Variants in HM13 observed in about 807,000 individuals in gnomAD.
The protein encoded by HM13 is signal peptide peptidase.
In HM13, 18 loss-of-function variants were observed where a neutral mutation model predicts 50.0. The observed-to-expected ratio is 0.36, with a 90% CI of 0.25 to 0.53. The LOEUF (loss-of-function observed/expected upper bound fraction) is 0.53, where lower values mean the gene tolerates loss of function less well. Ranked by LOEUF, HM13 falls within the 20% of genes least tolerant of loss-of-function variation. The pLI is 0.90. For synonymous variants in HM13, 197 were observed against 232.6 expected, an observed-to-expected ratio of 0.85 and a Z score of 1.39; for missense variants, 393 against 552.4, an observed-to-expected ratio of 0.71 and a Z score of 2.89.
intron 7 of HM13, among the ~76,000 whole-genome samples, chr20:31,552,814 G>T (rs1984099439): frequency 6.6e-6 from 1 of 152,160 alleles, no homozygotes; most frequent in South Asian, 2.1e-4. Context: ...GAAGAGGCAG[G>T]CAGGGCAAGG....
At chr20:31,548,961 C>T (rs764980922) in intron 4 of HM13, 68 bp from the exon 5 acceptor site, 10 of 1,371,470 alleles carry the variant, frequency 7.3e-6, no homozygotes, top group Non-Finnish European at 1.0e-6. Flanking sequence ...CCTCCTCCGT[C>T]CAGGGGCTGA....
At chr20:31,534,956 G>A (rs1280293469) in intron 2 of HM13, among the ~76,000 whole-genome samples, 1 of 151,878 alleles carries the variant, frequency 6.6e-6, no homozygotes, top group Admixed American at 6.6e-5. Flanking sequence ...CGTGGTGGCA[G>A]GCGCCTGTAG....
intron 2 of HM13, among the ~76,000 whole-genome samples, chr20:31,529,957 CTCTG>C (rs1312044420): frequency 6.6e-6 from 1 of 151,484 alleles, no homozygotes; most frequent in Non-Finnish European, 1.5e-5. Context: ...CACAGCGAGA[CTCTG>C]TCTCAATTAA....
chr20:31,554,964 T>C, intron 8 of HM13, 135 bp downstream of exon 8: 2 of 773,198 alleles, frequency 2.6e-6, no homozygotes, highest in Non-Finnish European at 4.2e-6. Flanking sequence ...CAGGGATTGG[T>C]GAAGGGTTCC....
At chr20:31,516,994 C>G (rs1981823829) in intron 1 of HM13, among the ~76,000 whole-genome samples, 1 of 152,190 alleles carries the variant, frequency 6.6e-6, no homozygotes, top group Non-Finnish European at 1.5e-5. Context: ...ATCAGGTATG[C>G]CTAGTCCTCA....
chr20:31,569,499 T>C lies in HM13; in HGVS notation c.*280T>C. 1 of 311,194 alleles carries C rather than the reference T, an allele frequency of 3.2e-6. No homozygotes were observed. The allele number at this position is 311,194 out of a possible 1,614,324, so 19.3% of individuals were successfully genotyped here. A position where few individuals can be genotyped will look rare whatever the true frequency, so the allele number is the denominator to read the frequency against. On this transcript the variant is annotated 3_prime_UTR_variant, in exon 13 of 13. Coordinates refer to ENST00000398174, the MANE Select transcript of HM13 (RefSeq NM_178581.3). ...GTGGGTGTGATTTTTAGATTTTGTA[T>C]TGTGGACTGATTTTGCCTCACATTA...
intron 2 of HM13, among the ~76,000 whole-genome samples, chr20:31,530,982 C>T (rs1016256053): frequency 5.3e-5 from 8 of 152,196 alleles, no homozygotes; most frequent in African/African-American, 1.4e-4. Context: ...CCTACCCAGG[C>T]GCTCACCTGC....
At chr20:31,528,962 G>A (rs181353559) in intron 2 of HM13, among the ~76,000 whole-genome samples, 2 of 152,246 alleles carry the variant, frequency 1.3e-5, no homozygotes, top group East Asian at 3.9e-4. Flanking sequence ...CATAACTGTA[G>A]TGTTAGATCT....
At chr20:31,564,616 T>C (rs900527561) in intron 10 of HM13, among the ~76,000 whole-genome samples, 41 of 151,430 alleles carry the variant, frequency 2.7e-4, no homozygotes, top group Non-Finnish European at 4.4e-5. Flanking sequence ...TGAGGGAAAT[T>C]AGAGGGACTT....
intron 1 of HM13, among the ~76,000 whole-genome samples, chr20:31,526,268 C>T (rs1450497796): frequency 6.6e-6 from 1 of 151,902 alleles, no homozygotes; most frequent in African/African-American, 2.4e-5. Flanking sequence ...AAGCGATTCT[C>T]CTGACTCAGC....
At chr20:31,522,448 G>A (rs543034928) in intron 1 of HM13, among the ~76,000 whole-genome samples, 2 of 151,914 alleles carry the variant, frequency 1.3e-5, no homozygotes, top group African/African-American at 2.4e-5. Context: ...TATAATCCCA[G>A]CTACTCAGGA....
At chr20:31,548,381 G>T in intron 4 of HM13, 1 of 209,144 alleles carries the variant, frequency 4.8e-6, no homozygotes, top group Non-Finnish European at 9.6e-6. Flanking sequence ...CTACCACAGG[G>T]CCCCCCACAA....
At chr20:31,524,710 CTTTTT>C (rs1156549702) in intron 1 of HM13, among the ~76,000 whole-genome samples, 6 of 110,768 alleles carry the variant, frequency 5.4e-5, no homozygotes, top group Admixed American at 2.8e-4. Flanking sequence ...TGTTGTGTGG[CTTTTT>C]TTTTTTTTTT....
chr20:31,558,073 G>A (rs767007474), intron 8 of HM13, among the ~76,000 whole-genome samples: 4 of 152,252 alleles, frequency 2.6e-5, no homozygotes, highest in Non-Finnish European at 4.4e-5. Flanking sequence ...CAGTAAGGGA[G>A]GCGACACACA....
At chr20:31,548,197 G>C (rs565584113) in intron 4 of HM13, 2 of 671,840 alleles carry the variant, frequency 3.0e-6, no homozygotes, top group African/African-American at 3.6e-5. Flanking sequence ...ACAAATCAGG[G>C]TGCTCTTACC....
At chr20:31,567,690 C>G (rs1415441883) in intron 11 of HM13, 1 of 167,296 alleles carries the variant, frequency 6.0e-6, no homozygotes, top group African/African-American at 2.4e-5. Context: ...CTCCAGCTAC[C>G]CCACAGAGGC....
chr20:31,560,521 A>G (rs117335248), intron 9 of HM13, among the ~76,000 whole-genome samples: 3,335 of 152,316 alleles, frequency 0.022, 55 homozygotes, highest in Non-Finnish European at 0.034. Context: ...AAACCTTAGG[A>G]GCATATGGGC....
rs754913862 is a variant in HM13 at position 31,559,643 on chromosome 20, A to G, written c.841A>G (p.Ile281Val). Residue 281 changes from isoleucine to valine, a missense_variant, in exon 9 of 13, where the codon ATC becomes GTC. Physicochemically the swap from Ile to Val is conservative, Grantham distance 29. Coordinates refer to ENST00000398174, the MANE Select transcript of HM13 (RefSeq NM_178581.3). ...IFIALLLRFD[I>V]SLKKNTHTYF... ...CATTGCCTTGCTGCTGCGCTTTGAC[A>G]TCAGGTGAGTGAGTGAGGGCCTGCC... 1 of 1,614,068 alleles carries G rather than the reference A, an allele frequency of 6.2e-7. No individual in the cohort carries two copies. Among genetic ancestry groups the G allele is most frequent in the Non-Finnish European group, 8.5e-7 (1 of 1,179,994 alleles).
chr20:31,550,510 C>T (rs1323519470), intron 7 of HM13: 2 of 185,084 alleles, frequency 1.1e-5, no homozygotes, highest in Non-Finnish European at 2.3e-5. Flanking sequence ...CTCAAACTGC[C>T]TTGGTTTTGT....
Sources: allele counts gnomAD v4.1 joint callset (sites outside exome capture counted in the v4.1 genomes callset), GRCh38; gene constraint gnomAD v4.1.1; transcripts MANE v1.5; gene names NCBI Gene and HGNC (gene_info 2026-07-23, HGNC 2026-07-21).